Variants in FRMPD4 observed in about 807,000 individuals in gnomAD.
FRMPD4 encodes FERM and PDZ domain-containing protein 4.
FRMPD4 carries 22 observed loss-of-function variants against 94.1 expected under a neutral mutation model. The observed-to-expected ratio is 0.23, with a 90% CI of 0.17 to 0.33. The LOEUF (loss-of-function observed/expected upper bound fraction) is 0.33. Ranked by LOEUF, FRMPD4 falls within the 10% of genes least tolerant of loss-of-function variation. FRMPD4 has a pLI of 1.00. For synonymous variants in FRMPD4, 631 were observed against 548.6 expected (o/e 1.15, Z -2.10); for missense variants, 1,111 against 1,339.9 (o/e 0.83, Z 2.67).
At chrX:12,419,485 A>T (rs1282349296) in intron 1 of FRMPD4, among the ~76,000 whole-genome samples, 1 of 109,931 alleles carries the variant, frequency 9.1e-6, no homozygotes, top group Non-Finnish European at 1.9e-5. Context: ...CATAAAAAAT[A>T]TTTCAATAAT....
At chrX:12,688,434 GA>G (rs2060049501) in intron 7 of FRMPD4, among the ~76,000 whole-genome samples, 1 of 112,444 alleles carries the variant, frequency 8.9e-6, no homozygotes, top group South Asian at 3.7e-4. Context: ...AAGACAGGAA[GA>G]AATGCAAAGA....
chrX:12,413,375 T>G (rs1001423690), intron 1 of FRMPD4, among the ~76,000 whole-genome samples: 1 of 112,251 alleles, frequency 8.9e-6, no homozygotes, highest in African/African-American at 3.2e-5. Flanking sequence ...TTCCTTACCC[T>G]TGCACAGGAA....
chrX:12,585,382 A>C (rs1290055392), intron 2 of FRMPD4, among the ~76,000 whole-genome samples: 2 of 110,114 alleles, frequency 1.8e-5, no homozygotes, highest in African/African-American at 3.3e-5. Flanking sequence ...CACCACACCC[A>C]GCTAATTTTT....
At chrX:12,635,974 A>T (rs1225494446) in intron 4 of FRMPD4, among the ~76,000 whole-genome samples, 1 of 112,026 alleles carries the variant, frequency 8.9e-6, no homozygotes, top group African/African-American at 3.2e-5. Flanking sequence ...ATTGAAGCAC[A>T]TCCCAGACAT....
In FRMPD4 at chrX:12,529,706, A is replaced by C. The variant is rs1363300712; in HGVS notation, c.158+30910A>C. ...GAGGCAGATTCAAAACCCAAATGAG[A>C]GCACAGAAAAGAGAGATGCCTTTTT... On this transcript the variant is annotated intron_variant, in intron 2 of 16. Transcript: ENST00000675598. 4.5e-5 allele frequency among the ~76,000 whole-genome samples: 5 copies of C among 112,012 alleles called. No individual in the cohort carries two copies. The Admixed American group carries it at 4.7e-4, about 11-fold the overall frequency.
Position 12,329,297 on chromosome X carries a change from G to C in FRMPD4, c.42-169383G>C, listed in dbSNP as rs758962548. Among the ~76,000 whole-genome samples, 17 of 111,412 alleles carry C rather than the reference G, an allele frequency of 1.5e-4. No homozygotes were observed. In the East Asian group the frequency reaches 3.7e-3, roughly 24 times the overall value. ...AGGTCAGAGAATTTCTTTATGGCCA[G>C]TTTCCACACAAAAAAGCAGAGGAAA... On this transcript the variant is annotated intron_variant, in intron 1 of 16. Transcript: ENST00000675598.
At chrX:12,715,998 G>GCCGGGGGGGCCCCCCCCCCC in intron 14 of FRMPD4, 71 bp from the exon 15 acceptor site, 1 of 383,858 alleles carries the variant, frequency 2.6e-6, no homozygotes, top group Non-Finnish European at 4.7e-6. Flanking sequence ...ACAGAGACGA[G>GCCGGGGGGGCCCCCCCCCCC]CCTCCCACCC....
intron 6 of FRMPD4, among the ~76,000 whole-genome samples, chrX:12,685,078 T>A (rs1398746955): frequency 1.8e-5 from 2 of 111,677 alleles, no homozygotes; most frequent in East Asian, 5.6e-4. Flanking sequence ...GTGCGGGAAG[T>A]CCACAGGAGC....
rs756964486 is a variant in FRMPD4, at chrX:12,716,649, G to A, written c.2190G>A (p.Gly730=). 1.7e-6 allele frequency: 2 copies of A among 1,210,962 alleles called. No individual in the cohort carries two copies. Among genetic ancestry groups the A allele is most frequent in the Admixed American group, 2.2e-5 (1 of 46,056 alleles). ...GDVKSFQAAE[G]IEEPLLHDIC... Reference sequence around the variant, plus strand: ...TGAAGAGCTTCCAGGCCGCGGAGGGGATCGAGGAACCCCTCTTGCATGACA... The same window carrying A: ...TGAAGAGCTTCCAGGCCGCGGAGGGAATCGAGGAACCCCTCTTGCATGACA... Residue 730 remains glycine, a synonymous_variant, in exon 15 of 17, where the codon GGG becomes GGA. Transcript: ENST00000675598.
intron 1 of FRMPD4, among the ~76,000 whole-genome samples, chrX:12,410,659 G>GA (rs2056721219): frequency 9.0e-6 from 1 of 111,614 alleles, no homozygotes; most frequent in Admixed American, 9.5e-5. Context: ...CCTGCTGAAA[G>GA]AAAAATCTCT....
At chrX:12,254,170 T>A (rs1188536390) in intron 1 of FRMPD4, among the ~76,000 whole-genome samples, 1 of 111,739 alleles carries the variant, frequency 8.9e-6, no homozygotes, top group Non-Finnish European at 1.9e-5. Context: ...GAGAAACAAT[T>A]AAGTGTTAGA....
intron 1 of FRMPD4, among the ~76,000 whole-genome samples, chrX:12,495,698 C>G (rs1602024617): frequency 9.0e-6 from 1 of 111,080 alleles, no homozygotes; most frequent in East Asian, 2.8e-4. Flanking sequence ...TTGATCACCA[C>G]ATCCTTCCTC....
intron 3 of FRMPD4, among the ~76,000 whole-genome samples, chrX:12,018,129 A>G (rs1340863887): frequency 9.1e-6 from 1 of 109,467 alleles, no homozygotes; most frequent in Non-Finnish European, 1.9e-5. Context: ...ACCACAAACT[A>G]CAGTGGGAAA....
At chrX:12,615,066 C>T (rs991020582) in intron 4 of FRMPD4, among the ~76,000 whole-genome samples, 185 bp downstream of exon 4, 5 of 111,947 alleles carry the variant, frequency 4.5e-5, no homozygotes, top group African/African-American at 9.8e-5. Flanking sequence ...ACTCCATAAA[C>T]ACAAAACTCC....
chrX:11,887,375 C>A (rs2053851569), intron 3 of FRMPD4, among the ~76,000 whole-genome samples: 1 of 111,140 alleles, frequency 9.0e-6, no homozygotes, highest in South Asian at 3.8e-4. Context: ...AGGCACCACA[C>A]CCTGTTCCCA....
At chrX:12,713,133 C>G (rs753091299) in intron 14 of FRMPD4, among the ~76,000 whole-genome samples, 1 of 110,678 alleles carries the variant, frequency 9.0e-6, no homozygotes, top group African/African-American at 3.3e-5. Context: ...AGCAGTTCAG[C>G]AATTTGACAC....
chrX:12,694,581 C>T (rs2060109327), intron 9 of FRMPD4, 127 bp downstream of exon 9: 3 of 476,384 alleles, frequency 6.3e-6, no homozygotes, highest in Admixed American at 7.0e-5. Flanking sequence ...GTGAATCGTA[C>T]GATAATTCTA....
chrX:12,141,831 A>G (rs2055696406), intron 1 of FRMPD4, among the ~76,000 whole-genome samples: 1 of 112,265 alleles, frequency 8.9e-6, no homozygotes. Context: ...TGTAGATGAG[A>G]GCATTACAGA....
At chrX:12,614,007 A>AACAG (rs2059209998) in intron 3 of FRMPD4, 2 of 111,110 alleles carry the variant, frequency 1.8e-5, no homozygotes, top group African/African-American at 6.6e-5. Context: ...CAAACAAACA[A>AACAG]AATTAGCCGG....
Sources: allele counts gnomAD v4.1 joint callset (sites outside exome capture counted in the v4.1 genomes callset), GRCh38; gene constraint gnomAD v4.1.1; transcripts MANE v1.5; gene names NCBI Gene and HGNC (gene_info 2026-07-23, HGNC 2026-07-21).